Variants in DNAJC18 observed in about 807,000 individuals in gnomAD.
The protein encoded by DNAJC18 is DnaJ heat shock protein family (Hsp40) member C18.
A neutral mutation model predicts 48.6 loss-of-function variants in DNAJC18; 40 were observed. The ratio of observed to expected loss-of-function variants is 0.82; its 90% confidence interval spans 0.64 to 1.07. The LOEUF (loss-of-function observed/expected upper bound fraction) is 1.07. Ranked by LOEUF, DNAJC18 falls within the 50% of genes least tolerant of loss-of-function variation. DNAJC18 has a pLI of 0.00. For synonymous variants in DNAJC18, 135 were observed against 152.2 expected (o/e 0.89, Z 0.83); for missense variants, 340 against 427.7 (o/e 0.79, Z 1.81).
chr5:139,423,083 C>T (rs544639829), intron 5 of DNAJC18, among the ~76,000 whole-genome samples: 1 of 152,252 alleles, frequency 6.6e-6, no homozygotes, highest in South Asian at 2.1e-4. Flanking sequence ...CTGCCCACCT[C>T]GGCCTCCCAG....
intron 2 of DNAJC18, among the ~76,000 whole-genome samples, chr5:139,432,473 A>AT (rs934959652): frequency 2.9e-4 from 43 of 148,916 alleles, no homozygotes; most frequent in Non-Finnish European, 4.3e-4. Flanking sequence ...ACAGAACTTT[A>AT]TTTTTTTTTA....
At chr5:139,419,994 G>C in intron 7 of DNAJC18, 59 bp downstream of exon 7, 1 of 1,452,204 alleles carries the variant, frequency 6.9e-7, no homozygotes, top group Non-Finnish European at 9.2e-7. Context: ...CAGGAGGCTG[G>C]GGGTGCCTCC....
At position 139,433,455 on chromosome 5, in the gene DNAJC18, A is replaced by C. The variant is rs184842969; in HGVS notation, c.227+3917T>G. ...GCAAAACTCCATCTCAAAAAAAAAA[A>C]AAAACAAAACTGGAGAACTGCAAGA... On this transcript the variant is annotated intron_variant, in intron 2 of 7. Transcript: ENST00000302060. Among the ~76,000 whole-genome samples, 1,393 of 152,196 alleles carry C rather than the reference A, an allele frequency of 9.2e-3. 10 individuals carry two copies. The highest frequency in any genetic ancestry group is 0.02 in the African/African-American group (818 of 41,514).
intron 7 of DNAJC18, among the ~76,000 whole-genome samples, chr5:139,416,259 C>T (rs1356594504): frequency 6.6e-6 from 1 of 152,168 alleles, no homozygotes; most frequent in Non-Finnish European, 1.5e-5. Context: ...GTGGCAGGTT[C>T]CAGAGAATAC....
chr5:139,429,856 G>A (rs186256509), intron 2 of DNAJC18, among the ~76,000 whole-genome samples: 3 of 152,318 alleles, frequency 2.0e-5, no homozygotes, highest in East Asian at 3.9e-4. Flanking sequence ...AAGCCCAGGA[G>A]TTTGAGGCTG....
chr5:139,425,427 G>T (rs1306102079), intron 4 of DNAJC18, among the ~76,000 whole-genome samples: 1 of 152,224 alleles, frequency 6.6e-6, no homozygotes, highest in Non-Finnish European at 1.5e-5. Flanking sequence ...GCCTCCCAAA[G>T]TGTTGGGATT....
Position 139,437,258 on chromosome 5 carries a change from C to T in DNAJC18, c.227+114G>A, listed in dbSNP as rs1581424681. 10 of 1,320,504 alleles carry T rather than the reference C, an allele frequency of 7.6e-6. No homozygotes were observed. The East Asian group carries it at 2.6e-4, about 34-fold the overall frequency. The allele number at this position is 1,320,504 out of a possible 1,614,324, so 81.8% of individuals were successfully genotyped here. A position where few individuals can be genotyped will look rare whatever the true frequency, so the allele number is the denominator to read the frequency against. On this transcript the variant is annotated intron_variant, in intron 2 of 7. Transcript: ENST00000302060. Reference sequence around the variant, plus strand: ...CCTCTGAGGTCAAGAAGCTAGTATGCCTCAATTATCATCATCATCATCATT... The same window carrying T: ...CCTCTGAGGTCAAGAAGCTAGTATGTCTCAATTATCATCATCATCATCATT...
At position 139,437,458 on chromosome 5, in the gene DNAJC18, T is replaced by A. The variant is rs1471506443; in HGVS notation, c.141A>T (p.Glu47Asp). The A allele has an allele frequency of 6.2e-7, 1 of 1,614,124 alleles. No homozygotes were observed. Among genetic ancestry groups the A allele is most frequent in the Non-Finnish European group, 8.5e-7 (1 of 1,180,048 alleles). The change falls in exon 2 of 8, where the codon GAA becomes GAT. Residue 47 changes from glutamate (E) to aspartate (D), a missense_variant. Transcript: ENST00000302060. ...GAGTCCACTCATTCTCAGACTTCTT[T>A]TCCTTTTGTGCCTTCATGCAGTTAC... ...GCCNCMKAQK[E>D]KKSENEWTQT...
In DNAJC18 at chr5:139,411,354, T is replaced by C. The variant is rs1318501306; in HGVS notation, c.*2794A>G. ...GTTTCTGCTTGAGCCTCAAGCCCTATTTCTGAGCGCTGCTCCTCTCACACA... is the reference window on the plus strand; with the variant it reads ...GTTTCTGCTTGAGCCTCAAGCCCTACTTCTGAGCGCTGCTCCTCTCACACA... On this transcript the variant is annotated 3_prime_UTR_variant, in exon 8 of 8. Transcript: ENST00000302060. The C allele has an allele frequency of 6.6e-6, 1 of 152,202 alleles. No individual in the cohort carries two copies. Among genetic ancestry groups the C allele is most frequent in the Non-Finnish European group, 1.5e-5 (1 of 68,034 alleles). 9.4% of individuals were successfully genotyped at this position (152,202 alleles called of 1,614,324 possible).
chr5:139,435,937 T>G (rs370666187), intron 2 of DNAJC18, among the ~76,000 whole-genome samples: 5 of 151,992 alleles, frequency 3.3e-5, no homozygotes, highest in South Asian at 2.1e-4. Flanking sequence ...TTGGCCAGGC[T>G]GGTCTTGAAC....
At chr5:139,416,366 G>A (rs769536928) in intron 7 of DNAJC18, among the ~76,000 whole-genome samples, 4 of 152,166 alleles carry the variant, frequency 2.6e-5, no homozygotes, top group Non-Finnish European at 5.9e-5. Context: ...CAGGCAAATT[G>A]CCAAGAGAAG....
At chr5:139,425,546 TA>T (rs1759222599) in intron 4 of DNAJC18, among the ~76,000 whole-genome samples, 2 of 152,192 alleles carry the variant, frequency 1.3e-5, no homozygotes, top group South Asian at 4.1e-4. Flanking sequence ...AGTAGAAAAA[TA>T]AGACAATAGG....
At chr5:139,419,999 G>C in intron 7 of DNAJC18, 54 bp downstream of exon 7, 1 of 1,478,906 alleles carries the variant, frequency 6.8e-7, no homozygotes, top group Non-Finnish European at 9.0e-7. Context: ...GGCTGGGGGT[G>C]CCTCCTGCTG....
chr5:139,428,336 G>T (rs1445403754), intron 3 of DNAJC18, among the ~76,000 whole-genome samples: 1 of 152,114 alleles, frequency 6.6e-6, no homozygotes, highest in Non-Finnish European at 1.5e-5. Flanking sequence ...GGTGGAGGTT[G>T]CAGTGAGCTG....
chr5:139,430,385 G>C (rs547358296), intron 2 of DNAJC18, among the ~76,000 whole-genome samples: 2 of 152,326 alleles, frequency 1.3e-5, no homozygotes, highest in African/African-American at 4.8e-5. Context: ...TGCTGGATTA[G>C]AGATGAGCTC....
rs1298815022 is a variant in DNAJC18, at chr5:139,411,793, A to G, written c.*2355T>C. 1 of 152,186 alleles carries G rather than the reference A, an allele frequency of 6.6e-6. No individual in the cohort carries two copies. Among genetic ancestry groups the G allele is most frequent in the East Asian group, 1.9e-4 (1 of 5,194 alleles). The allele number at this position is 152,186 out of a possible 1,614,324, so 9.4% of individuals were successfully genotyped here. Reference sequence around the variant, plus strand: ...ACTTATCGCTGCCATGAAGTCCATAAAATGTGTGACTACCTGATTCCTGGG... The same window carrying G: ...ACTTATCGCTGCCATGAAGTCCATAGAATGTGTGACTACCTGATTCCTGGG... On this transcript the variant is annotated 3_prime_UTR_variant, in exon 8 of 8. Transcript: ENST00000302060.
At chr5:139,422,898 C>T (rs1472752161) in intron 5 of DNAJC18, 81 bp from the exon 6 acceptor site, 63 of 878,512 alleles carry the variant, frequency 7.2e-5, no homozygotes, top group Non-Finnish European at 7.5e-5. Flanking sequence ...TGCAGTGGTG[C>T]GATCTCGGCT....
intron 2 of DNAJC18, among the ~76,000 whole-genome samples, chr5:139,433,007 G>A (rs544479960): frequency 6.6e-6 from 1 of 152,126 alleles, no homozygotes; most frequent in African/African-American, 2.4e-5. Flanking sequence ...AGGGCTGGCC[G>A]CAGGGTTCAC....
chr5:139,416,946 C>T (rs553656858), intron 7 of DNAJC18, among the ~76,000 whole-genome samples: 3 of 152,256 alleles, frequency 2.0e-5, no homozygotes, highest in East Asian at 1.9e-4. Flanking sequence ...CCCAGCACTT[C>T]GGAGGCCGAG....
Sources: allele counts gnomAD v4.1 joint callset (sites outside exome capture counted in the v4.1 genomes callset), GRCh38; gene constraint gnomAD v4.1.1; transcripts MANE v1.5; gene names NCBI Gene and HGNC (gene_info 2026-07-23, HGNC 2026-07-21).